MKLN1: variants seen among roughly 807,000 people sequenced by gnomAD.
MKLN1 encodes the protein muskelin 1.
MKLN1 carries 18 observed loss-of-function variants against 99.0 expected under a neutral mutation model. That is an observed-to-expected ratio of 0.18 (90% confidence interval 0.13 to 0.27). The LOEUF is 0.27. MKLN1 is among the 10% of genes least tolerant of loss of function. The probability of loss-of-function intolerance (pLI) is 1.00; values close to 1 mark genes in which losing one functional copy is unlikely to be tolerated. For missense variants in MKLN1, 621 were observed against 875.9 expected (o/e 0.71, Z 3.67); for synonymous variants, 288 against 293.2 (o/e 0.98, Z 0.18).
chr7:131,437,141 G>C (rs963348361), intron 9 of MKLN1, among the ~76,000 whole-genome samples: 1 of 151,814 alleles, frequency 6.6e-6, no homozygotes, highest in Non-Finnish European at 1.5e-5. Context: ...TTGATAGATA[G>C]GTATACATGT....
intron 1 of MKLN1, among the ~76,000 whole-genome samples, chr7:131,371,922 CAG>C (rs1486534199): frequency 1.3e-5 from 2 of 151,900 alleles, no homozygotes; most frequent in African/African-American, 2.4e-5. Context: ...TTTTTAGAGA[CAG>C]GGTCTCTCCC....
At chr7:131,454,746 A>G (rs1047621260) in intron 12 of MKLN1, among the ~76,000 whole-genome samples, 1 of 152,226 alleles carries the variant, frequency 6.6e-6, no homozygotes, top group Non-Finnish European at 1.5e-5. Flanking sequence ...AAGAAAGTCT[A>G]CTGGAGGACA....
intron 1 of MKLN1, among the ~76,000 whole-genome samples, chr7:131,124,946 A>C (rs1795430827): frequency 6.6e-6 from 1 of 152,136 alleles, no homozygotes; most frequent in African/African-American, 2.4e-5. Context: ...TGTGATTAAG[A>C]GACACAAGGT....
chr7:131,204,512 C>T (rs1796776617), intron 3 of MKLN1, among the ~76,000 whole-genome samples: 1 of 152,112 alleles, frequency 6.6e-6, no homozygotes, highest in Non-Finnish European at 1.5e-5. Flanking sequence ...CAACAAAATG[C>T]AGTACTTTGT....
chr7:131,467,608 A>T (rs1205340259), intron 15 of MKLN1, among the ~76,000 whole-genome samples: 2 of 152,088 alleles, frequency 1.3e-5, no homozygotes, highest in African/African-American at 4.8e-5. Context: ...TTGAGAAGTG[A>T]ATTGAGAAGA....
chr7:131,399,505 G>A, intron 6 of MKLN1, 72 bp downstream of exon 6: 1 of 1,258,750 alleles, frequency 7.9e-7, no homozygotes, highest in Non-Finnish European at 1.1e-6. Flanking sequence ...AAATAATATA[G>A]GCTTATGCCA....
Position 131,333,351 on chromosome 7 carries a change from A to G in MKLN1, c.98+5354A>G, listed in dbSNP as rs139032481. 3.1e-3 allele frequency among the ~76,000 whole-genome samples: 472 copies of G among 152,274 alleles called. 1 individual carries two copies. Among genetic ancestry groups the G allele is most frequent in the African/African-American group, 0.011 (450 of 41,554 alleles). ...CAGTGCCCCAAAGTGCTGCGATTGT[A>G]GGTGTGAGCCACTGTGCCCAGCCAA... On this transcript the variant is annotated intron_variant, in intron 1 of 17. Transcript: ENST00000352689.
intron 1 of MKLN1, among the ~76,000 whole-genome samples, chr7:131,352,772 A>T (rs1390150002): frequency 1.6e-4 from 25 of 152,134 alleles, no homozygotes; most frequent in Admixed American, 1.6e-3. Context: ...TCTGTGGGTT[A>T]TGTCACCAAC....
intron 2 of MKLN1, among the ~76,000 whole-genome samples, chr7:131,148,286 C>T (rs1795842740): frequency 6.6e-6 from 1 of 152,106 alleles, no homozygotes; most frequent in Admixed American, 6.5e-5. Flanking sequence ...GAACTAGCCA[C>T]CAACACTTAC....
At chr7:131,334,091 T>C (rs2116703795) in intron 1 of MKLN1, among the ~76,000 whole-genome samples, 1 of 152,362 alleles carries the variant, frequency 6.6e-6, no homozygotes, top group South Asian at 2.1e-4. Flanking sequence ...CTTTAGCTTT[T>C]AAGTGAATTT....
chr7:131,187,552 C>A lies in MKLN1; in HGVS notation c.-296-15305C>A, dbSNP rs1020584170. On this transcript the variant is annotated intron_variant, in intron 2 of 7. Coordinates refer to the MKLN1 transcript ENST00000416992. ...GTCTATGGCTGCTTTAGTGCTATAACAGCAGAGTTAGGTAGTTATGACAGA... is the reference window on the plus strand; with the variant it reads ...GTCTATGGCTGCTTTAGTGCTATAAAAGCAGAGTTAGGTAGTTATGACAGA... Among the ~76,000 whole-genome samples, 6 of 152,270 alleles carry A rather than the reference C, an allele frequency of 3.9e-5. No homozygotes were observed. In the East Asian group the frequency reaches 1.2e-3, roughly 29 times the overall value.
intron 3 of MKLN1, among the ~76,000 whole-genome samples, chr7:131,300,633 G>A (rs1404606817): frequency 6.9e-6 from 1 of 145,038 alleles, no homozygotes; most frequent in Non-Finnish European, 1.5e-5. Flanking sequence ...ATTGCAGTGA[G>A]TTGAGATCAC....
chr7:131,387,147 G>A lies in MKLN1; in HGVS notation c.196G>A (p.Ala66Thr). Residue 66 changes from alanine to threonine, a missense_variant, in exon 3 of 18, where the codon GCT becomes ACT. Ala to Thr is a moderately conservative substitution (Grantham distance 58). This residue lies in a region of MKLN1 where 27 missense variants were observed against 19.7 expected (regional missense o/e 1.37). Coordinates refer to ENST00000352689, the MANE Select transcript of MKLN1 (RefSeq NM_013255.5). The part of the protein sequence containing the change: ...QYLILKLERP[A>T]IVQNITFGKY... ...CTTGATTCTAAAGCTCGAAAGGCCT[G>A]CTATAGTTCAGAATATCACATTTGG... The A allele has an allele frequency of 6.2e-7, 1 of 1,609,218 alleles. No homozygotes were observed. The highest frequency in any genetic ancestry group is 1.1e-5 in the South Asian group (1 of 89,926).
intron 2 of MKLN1, among the ~76,000 whole-genome samples, chr7:131,378,258 T>A (rs1793726620): frequency 6.6e-6 from 1 of 152,058 alleles, no homozygotes; most frequent in Non-Finnish European, 1.5e-5. Flanking sequence ...ATTATAGGCG[T>A]GCACCACCAC....
intron 1 of MKLN1, among the ~76,000 whole-genome samples, chr7:131,111,972 C>CT (rs977086011): frequency 3.2e-4 from 49 of 152,288 alleles, no homozygotes; most frequent in African/African-American, 1.1e-3. Flanking sequence ...TACTAATTGT[C>CT]TTTTTTACCA....
intron 3 of MKLN1, among the ~76,000 whole-genome samples, chr7:131,247,241 T>TTTTTTTTTC (rs1198579415): frequency 4.8e-5 from 4 of 83,712 alleles, no homozygotes; most frequent in Non-Finnish European, 1.2e-4. Context: ...TTTTCTTTTT[T>TTTTTTTTTC]TTTTTTTTGT....
intron 1 of MKLN1, among the ~76,000 whole-genome samples, chr7:131,367,624 T>TCTTTTTTTTTTTTTGCTA: frequency 6.6e-6 from 1 of 152,206 alleles, no homozygotes; most frequent in South Asian, 2.1e-4. Flanking sequence ...CTGTTCTACA[T>TCTTTTTTTTTTTTTGCTA]CTGCTTCATT....
At chr7:131,322,695 C>T (rs938177255) in intron 3 of MKLN1, among the ~76,000 whole-genome samples, 1 of 151,254 alleles carries the variant, frequency 6.6e-6, no homozygotes, top group African/African-American at 2.4e-5. Flanking sequence ...CTCAGCCTCC[C>T]GAGTAGCTGG....
chr7:131,364,885 T>C (rs1269666185), intron 1 of MKLN1, among the ~76,000 whole-genome samples: 1 of 152,220 alleles, frequency 6.6e-6, no homozygotes, highest in Admixed American at 6.5e-5. Flanking sequence ...ACTCCATGTC[T>C]TTACTGTTGT....
Sources: gnomAD v4.1 joint callset for allele counts (sites outside exome capture counted in the v4.1 genomes callset) on GRCh38, gnomAD v4.1.1 for gene constraint, gnomAD v4.1.1 regional missense constraint, MANE v1.5 for transcripts, NCBI Gene and HGNC (gene_info 2026-07-23, HGNC 2026-07-21) for gene names.